SH3TC2: variants seen among roughly 807,000 people sequenced by gnomAD.
SH3TC2 encodes the protein SH3 domain and tetratricopeptide repeat-containing protein 2.
SH3TC2 carries 87 observed loss-of-function variants against 124.5 expected under a neutral mutation model. The observed-to-expected ratio is 0.70, with a 90% CI of 0.59 to 0.84. SH3TC2 has a LOEUF of 0.84. Ranked by LOEUF, SH3TC2 falls within the 40% of genes least tolerant of loss-of-function variation. The pLI is 0.00. For missense variants in SH3TC2, 1,536 were observed against 1,566.4 expected (o/e 0.98, Z 0.33); for synonymous variants, 634 against 628.5 (o/e 1.01, Z -0.13).
At chr5:149,020,792 C>T (rs1312763599) in intron 12 of SH3TC2, among the ~76,000 whole-genome samples, 1 of 151,972 alleles carries the variant, frequency 6.6e-6, no homozygotes, top group Non-Finnish European at 1.5e-5. Flanking sequence ...AATAACAATG[C>T]CCCAAAATAC....
Position 148,988,113 on chromosome 5 carries a change from G to C in SH3TC2, c.*16598C>G, listed in dbSNP as rs1443084896. Among the ~76,000 whole-genome samples, 2 of 152,092 alleles carry C rather than the reference G, an allele frequency of 1.3e-5. No homozygotes were observed. Among genetic ancestry groups the C allele is most frequent in the South Asian group, 2.1e-4 (1 of 4,816 alleles). On this transcript the variant is annotated 3_prime_UTR_variant, in exon 17 of 17. Transcript: ENST00000515425. Reference sequence around the variant, plus strand: ...CTTAAGGACAAGGCTGGGTTCTTTTGGCCTTACTGGGTAATAAAAACTCTA... The same window carrying C: ...CTTAAGGACAAGGCTGGGTTCTTTTCGCCTTACTGGGTAATAAAAACTCTA...
At chr5:149,040,556 G>T in intron 7 of SH3TC2, 48 bp downstream of exon 7, 1 of 1,531,710 alleles carries the variant, frequency 6.5e-7, no homozygotes, top group Non-Finnish European at 9.1e-7. Context: ...TTGAGAGGCA[G>T]GACAACATTA....
rs114792078 is a variant in SH3TC2 at position 149,015,819 on chromosome 5, A to T, written c.3054-3085T>A. On this transcript the variant is annotated intron_variant, in intron 12 of 16. Coordinates refer to ENST00000515425, the MANE Select transcript of SH3TC2 (RefSeq NM_024577.4). The stretch of plus-strand genomic sequence containing the variant: ...CACTAATTGGTCATGTCCTGTTTTG[A>T]TGACAAAGATGGCCAAAAACTGAGG... Among the ~76,000 whole-genome samples, 151 of 152,238 alleles carry T rather than the reference A, an allele frequency of 9.9e-4. 1 individual carries two copies. The highest frequency in any genetic ancestry group is 3.5e-3 in the African/African-American group (144 of 41,540).
chr5:149,031,440 C>T, intron 9 of SH3TC2, 114 bp downstream of exon 9: 1 of 1,431,140 alleles, frequency 7.0e-7, no homozygotes, highest in South Asian at 1.2e-5. Flanking sequence ...TGGTCATGGC[C>T]ACCCAAATTC....
chr5:149,059,535 C>T (rs1360595083), intron 1 of SH3TC2, among the ~76,000 whole-genome samples: 1 of 151,148 alleles, frequency 6.6e-6, no homozygotes, highest in Non-Finnish European at 1.5e-5. Context: ...ACAGACCTAC[C>T]ATCAGCAGTT....
intron 13 of SH3TC2, 138 bp downstream of exon 13, chr5:149,012,446 C>T: frequency 1.8e-6 from 2 of 1,136,266 alleles, no homozygotes; most frequent in Non-Finnish European, 2.6e-6. Flanking sequence ...CAGGGAGCAG[C>T]CCAGTGTTGA....
At chr5:149,022,036 CTCTT>C (rs1311885304) in intron 12 of SH3TC2, among the ~76,000 whole-genome samples, 4 of 151,688 alleles carry the variant, frequency 2.6e-5, no homozygotes, top group Admixed American at 1.3e-4. Context: ...GCCTCACAAA[CTCTT>C]TCAAGAAATT....
chr5:149,036,104 G>C (rs1198264379), intron 8 of SH3TC2: 1 of 152,206 alleles, frequency 6.6e-6, no homozygotes, highest in Admixed American at 6.5e-5. Flanking sequence ...TATTAGGCAA[G>C]TGCTAACATT....
chr5:149,005,860 G>A (rs1421640860), intron 16 of SH3TC2, among the ~76,000 whole-genome samples: 2 of 151,982 alleles, frequency 1.3e-5, no homozygotes, highest in Non-Finnish European at 2.9e-5. Flanking sequence ...TGTGCTTCAG[G>A]GGACAGGGAC....
intron 7 of SH3TC2, among the ~76,000 whole-genome samples, chr5:149,039,372 A>T (rs1754332921): frequency 6.6e-6 from 1 of 152,220 alleles, no homozygotes; most frequent in Non-Finnish European, 1.5e-5. Context: ...GGCAAAACTG[A>T]GTCTAGAGCT....
Position 149,028,488 on chromosome 5 carries a change from C to T in SH3TC2, c.1244G>A (p.Gly415Glu). 1 of 1,613,242 alleles carries T rather than the reference C, an allele frequency of 6.2e-7. No homozygotes were observed. The highest frequency in any genetic ancestry group is 8.5e-7 in the Non-Finnish European group (1 of 1,179,500). ...GRAWEEHQAVGSRQSSSSEDS... is the reference protein window; with the variant it reads ...GRAWEEHQAVESRQSSSSEDS... ...CTCAGAGCTGCTGGACTGTCTGGACCCCACGGCCTGATGCTCCTCCCAGGC... is the reference window on the plus strand; with the variant it reads ...CTCAGAGCTGCTGGACTGTCTGGACTCCACGGCCTGATGCTCCTCCCAGGC... Residue 415 changes from glycine (G) to glutamate (E), a missense_variant, in exon 11 of 17, where the codon GGG (glycine) becomes GAG (glutamate). By Grantham distance (98) the Gly-to-Glu change is moderately conservative (BLOSUM62 -2). Transcript: ENST00000515425.
Position 148,987,809 on chromosome 5 carries a change from C to CTCTG in SH3TC2, c.*16901_*16902insCAGA, listed in dbSNP as rs1554118890. 7.4e-6 allele frequency among the ~76,000 whole-genome samples: 1 copy of CTCTG among 135,320 alleles called. No homozygotes were observed. Among genetic ancestry groups the CTCTG allele is most frequent in the African/African-American group, 2.8e-5 (1 of 36,084 alleles). 88.8% of individuals were successfully genotyped at this position (135,320 alleles called of 152,430 possible). On this transcript the variant is annotated 3_prime_UTR_variant, in exon 17 of 17. Coordinates refer to ENST00000515425, the MANE Select transcript of SH3TC2 (RefSeq NM_024577.4). ...CCTCACTCGAGGCCTCATTCAAAATCTGTGTGTGTGTGTGTGTGTGTGTGT... is the reference window on the plus strand; with the variant it reads ...CCTCACTCGAGGCCTCATTCAAAATCTCTGTGTGTGTGTGTGTGTGTGTGTGTGT...
intron 12 of SH3TC2, among the ~76,000 whole-genome samples, chr5:149,015,620 G>A (rs1195344222): frequency 6.6e-6 from 1 of 152,084 alleles, no homozygotes; most frequent in Non-Finnish European, 1.5e-5. Context: ...TTCAGTCTCT[G>A]GGGTTAAGTC....
Position 149,028,391 on chromosome 5 carries a change from A to C in SH3TC2, c.1341T>G (p.Leu447=). 1.2e-6 allele frequency: 2 copies of C among 1,614,064 alleles called. No individual in the cohort carries two copies. The highest frequency in any genetic ancestry group is 1.7e-6 in the Non-Finnish European group (2 of 1,180,016). The stretch of plus-strand genomic sequence containing the variant: ...GGTCCATGAGCAGTTCCGGGTCATC[A>C]AGGTCATCAGGCTCCGGCAGGCGAT... ...DSYRLPEPDD[L]DDPELLMDLS... is the part of the protein sequence containing the mutation. Residue 447 remains leucine (L), a synonymous_variant, in exon 11 of 17, where the codon CTT becomes CTG. Transcript: ENST00000515425.
At chr5:149,062,365 G>T (rs1369671078) in intron 1 of SH3TC2, 1 of 534,000 alleles carries the variant, frequency 1.9e-6, no homozygotes, top group Non-Finnish European at 3.8e-6. Context: ...ACATATCCCA[G>T]CAAATTCCTC....
intron 1 of SH3TC2, chr5:149,062,267 G>T (rs766376391): frequency 2.0e-6 from 1 of 499,864 alleles, no homozygotes; most frequent in Non-Finnish European, 4.1e-6. Context: ...CCACACAAGA[G>T]AACACAGGGC....
rs1343590454 is a variant in SH3TC2 at position 149,006,967 on chromosome 5, G to C, written c.3589C>G (p.Pro1197Ala). 2.5e-6 allele frequency: 4 copies of C among 1,614,098 alleles called. No homozygotes were observed. In the South Asian group the frequency reaches 3.3e-5, roughly 13 times the overall value. ...TCCTTGGGACTCTGCAGCCATGGTG[G>C]ACAGAGGGACAGGGTCTTCAGGTAG... ...DCYLKTLSLC[P>A]PWLQSPKEAL... Residue 1197 changes from proline (P) to alanine (A), a missense_variant, in exon 16 of 17, where the codon CCA (proline) becomes GCA (alanine). This residue lies in a region of SH3TC2 where 426 missense variants were observed against 443.5 expected (regional missense o/e 0.96). Coordinates refer to ENST00000515425, the MANE Select transcript of SH3TC2 (RefSeq NM_024577.4).
In SH3TC2 at chr5:149,051,548, C is replaced by A. The variant is rs141007337; in HGVS notation, c.151+594G>T. Among the ~76,000 whole-genome samples, 657 of 152,222 alleles carry A rather than the reference C, an allele frequency of 4.3e-3. 6 individuals are homozygous for A. The highest frequency in any genetic ancestry group is 0.015 in the African/African-American group (632 of 41,530). On this transcript the variant is annotated intron_variant, in intron 2 of 16. Coordinates refer to ENST00000515425, the MANE Select transcript of SH3TC2 (RefSeq NM_024577.4). Reference sequence around the variant, plus strand: ...CTTACTGCAGCCTCGACGTCCCAGGCTCAGGCAGTCCTCCCATCTCAACCT... The same window carrying A: ...CTTACTGCAGCCTCGACGTCCCAGGATCAGGCAGTCCTCCCATCTCAACCT...
rs1753417326 is a variant in SH3TC2 at position 148,991,369 on chromosome 5, A to G, written c.*13342T>C. On this transcript the variant is annotated 3_prime_UTR_variant, in exon 17 of 17. Transcript: ENST00000515425. ...GAAGAGGGTCAATTTCTTTGTGGGG[A>G]GTAGCAACACAAACCATCCAGCCAG... Among the ~76,000 whole-genome samples, 1 of 152,122 alleles carries G rather than the reference A, an allele frequency of 6.6e-6. No individual in the cohort carries two copies. Among genetic ancestry groups the G allele is most frequent in the Admixed American group, 6.6e-5 (1 of 15,266 alleles).
Sources: gnomAD v4.1 joint callset for allele counts (sites outside exome capture counted in the v4.1 genomes callset) on GRCh38, gnomAD v4.1.1 for gene constraint, gnomAD v4.1.1 regional missense constraint, MANE v1.5 for transcripts, NCBI Gene and HGNC (gene_info 2026-07-23, HGNC 2026-07-21) for gene names.